CMC2: variants seen among roughly 807,000 people sequenced by gnomAD.
CMC2 encodes COX assembly mitochondrial protein 2 homolog.
Under a neutral mutation model 7.5 loss-of-function variants are expected in CMC2, and 5 were observed. That is an observed-to-expected ratio of 0.66 (90% CI 0.35 to 1.40). The LOEUF is 1.40. CMC2 is among the 40% of genes most tolerant of loss of function. The pLI is 0.04. For synonymous variants in CMC2, 37 were observed against 31.4 expected (o/e 1.18, Z -0.60); for missense variants, 115 against 92.3 (o/e 1.25, Z -1.01).
chr16:80,987,523 T>C (rs1967637503), intron 2 of CMC2, among the ~76,000 whole-genome samples: 1 of 152,212 alleles, frequency 6.6e-6, no homozygotes, highest in South Asian at 2.1e-4. Context: ...CTGTTCTAAA[T>C]TCTGTATTTT....
In CMC2 at chr16:81,003,313, T is replaced by G. The variant is rs144567523; in HGVS notation, c.-36+3421A>C. On this transcript the variant is annotated intron_variant, in intron 1 of 3. Transcript: ENST00000219400. ...CTAAATACGTATTCCATATTCTTATTCTTAAAATTTCTTCAAAGTCATAAG... is the reference window on the plus strand; with the variant it reads ...CTAAATACGTATTCCATATTCTTATGCTTAAAATTTCTTCAAAGTCATAAG... 1.1e-4 allele frequency among the ~76,000 whole-genome samples: 17 copies of G among 152,358 alleles called. 2 individuals carry two copies. The highest frequency in any genetic ancestry group is 3.8e-4 in the African/African-American group (16 of 41,586).
intron 1 of CMC2, among the ~76,000 whole-genome samples, chr16:81,005,721 G>T (rs1321765773): frequency 6.6e-6 from 1 of 152,166 alleles, no homozygotes; most frequent in Non-Finnish European, 1.5e-5. Flanking sequence ...GACTTCCACC[G>T]AAGAGTTTCT....
At chr16:80,986,265 G>A (rs374360363) in intron 2 of CMC2, among the ~76,000 whole-genome samples, 5 of 152,172 alleles carry the variant, frequency 3.3e-5, no homozygotes, top group Non-Finnish European at 7.4e-5. Context: ...CAGGAGAATC[G>A]CTTGAACCGG....
chr16:80,986,371 T>C (rs944854722), intron 2 of CMC2, among the ~76,000 whole-genome samples: 1 of 147,724 alleles, frequency 6.8e-6, no homozygotes, highest in Non-Finnish European at 1.5e-5. Context: ...AATAAATAAA[T>C]AAAATGCAGA....
intron 3 of CMC2, chr16:80,980,745 C>G (rs893020881): frequency 3.0e-6 from 2 of 668,444 alleles, no homozygotes; most frequent in Non-Finnish European, 2.7e-6. Flanking sequence ...TGTGTAAAAC[C>G]TTAACCAGGC....
chr16:80,978,165 T>A (rs1912661595), intron 3 of CMC2: 1 of 548,058 alleles, frequency 1.8e-6, no homozygotes, highest in Non-Finnish European at 2.4e-6. Flanking sequence ...CTCATAAAAT[T>A]GTTGGGGAAA....
chr16:80,977,234 T>C (rs1224976647), intron 3 of CMC2, among the ~76,000 whole-genome samples: 2 of 152,034 alleles, frequency 1.3e-5, no homozygotes, highest in Non-Finnish European at 2.9e-5. Flanking sequence ...CCTCAAGAGG[T>C]TTTCAGCCTA....
chr16:80,999,128 T>A (rs1196428169), intron 1 of CMC2, among the ~76,000 whole-genome samples: 1 of 152,174 alleles, frequency 6.6e-6, no homozygotes, highest in Non-Finnish European at 1.5e-5. Context: ...GGCATCCGAA[T>A]AAGAAAAGAA....
chr16:80,988,940 G>A lies in CMC2; in HGVS notation c.82-7063C>T, dbSNP rs116870981. The stretch of plus-strand genomic sequence containing the variant: ...GTTATTTTGCAAAATGCTCCCCCAC[G>A]TGGGTTTGTCTGGTGTTTCTTCACA... On this transcript the variant is annotated intron_variant, in intron 2 of 3. Transcript: ENST00000219400. 1.6e-4 allele frequency among the ~76,000 whole-genome samples: 25 copies of A among 152,096 alleles called. No individual in the cohort carries two copies. In the East Asian group the frequency reaches 4.2e-3, roughly 26 times the overall value.
Position 80,975,377 on chromosome 16 carries a change from G to GCTT in CMC2, c.*715_*716insAAG, listed in dbSNP as rs1398084879. ...GCTTGTAATCCCAACACTTTGGGAG[G>GCTT]CTGAAGTGGGCGGATCACCTAAGCT... is the stretch of plus-strand genomic sequence containing the variant. On this transcript the variant is annotated 3_prime_UTR_variant, in exon 4 of 4. Coordinates refer to ENST00000219400, the MANE Select transcript of CMC2 (RefSeq NM_020188.5). 8.5e-5 allele frequency: 13 copies of GCTT among 152,440 alleles called. No homozygotes were observed. Among genetic ancestry groups the GCTT allele is most frequent in the African/African-American group, 2.6e-4 (11 of 41,576 alleles). 9.4% of individuals were successfully genotyped at this position (152,440 alleles called of 1,614,324 possible).
In CMC2 at chr16:80,974,991, C is replaced by G. The variant is rs1013004404; in HGVS notation, c.*1102G>C. Reference sequence around the variant, plus strand: ...CTCATGCTGGATATTATACACAGAACTCCACTAGAAGGAGCTCACAGCTGA... The same window carrying G: ...CTCATGCTGGATATTATACACAGAAGTCCACTAGAAGGAGCTCACAGCTGA... On this transcript the variant is annotated 3_prime_UTR_variant, in exon 4 of 4. Coordinates refer to ENST00000219400, the MANE Select transcript of CMC2 (RefSeq NM_020188.5). 2 of 152,248 alleles carry G rather than the reference C, an allele frequency of 1.3e-5. No homozygotes were observed. The highest frequency in any genetic ancestry group is 4.8e-5 in the African/African-American group (2 of 41,468). The allele number at this position is 152,248 out of a possible 1,614,324, so 9.4% of individuals were successfully genotyped here. A position where few individuals can be genotyped will look rare whatever the true frequency, so the allele number is the denominator to read the frequency against.
intron 1 of CMC2, 102 bp downstream of exon 1, chr16:81,006,632 G>A (rs1210360286): frequency 3.4e-6 from 3 of 881,880 alleles, no homozygotes; most frequent in Non-Finnish European, 4.1e-6. Context: ...CCACCTCCTG[G>A]GGCCGACGGG....
chr16:80,989,174 A>G (rs1189161744), intron 2 of CMC2, among the ~76,000 whole-genome samples: 2 of 152,188 alleles, frequency 1.3e-5, no homozygotes, highest in African/African-American at 4.8e-5. Context: ...CCATTTAACT[A>G]TCCAATTATT....
chr16:80,999,761 T>C (rs35595567), intron 1 of CMC2, among the ~76,000 whole-genome samples: 27,251 of 152,066 alleles, frequency 0.18, 2,492 homozygotes, highest in East Asian at 0.25. Flanking sequence ...CCACACACTT[T>C]TGATCTTTGA....
intron 2 of CMC2, among the ~76,000 whole-genome samples, chr16:80,992,243 T>C (rs562580671): frequency 6.6e-6 from 1 of 152,354 alleles, no homozygotes; most frequent in African/African-American, 2.4e-5. Context: ...GGATGCACCA[T>C]AGGTCGTTCA....
Position 80,975,719 on chromosome 16 carries a change from A to G in CMC2, c.*374T>C, listed in dbSNP as rs1912242315. 1 of 159,404 alleles carries G rather than the reference A, an allele frequency of 6.3e-6. No homozygotes were observed. The highest frequency in any genetic ancestry group is 2.4e-5 in the African/African-American group (1 of 41,620). The allele number at this position is 159,404 out of a possible 1,614,324, so 9.9% of individuals were successfully genotyped here. On this transcript the variant is annotated 3_prime_UTR_variant, in exon 4 of 4. Transcript: ENST00000219400. ...TGCTGGGATTTCCCCAGAATTCTTC[A>G]ACATCATGTTGTCAAAAAGAAAAAG...
chr16:80,973,827 A>C lies in CMC2; in HGVS notation c.*2266T>G, dbSNP rs918896358. 2.6e-5 allele frequency: 4 copies of C among 152,264 alleles called. No homozygotes were observed. The highest frequency in any genetic ancestry group is 5.9e-5 in the Non-Finnish European group (4 of 68,056). The allele number at this position is 152,264 out of a possible 1,614,324, so 9.4% of individuals were successfully genotyped here. On this transcript the variant is annotated 3_prime_UTR_variant, in exon 4 of 4. Coordinates refer to ENST00000219400, the MANE Select transcript of CMC2 (RefSeq NM_020188.5). ...CTCTACAGGGATCAGCAACAGCTGCAACACAAGAGAGTAAGACCTAAAAAC... is the reference window on the plus strand; with the variant it reads ...CTCTACAGGGATCAGCAACAGCTGCCACACAAGAGAGTAAGACCTAAAAAC...
intron 3 of CMC2, among the ~76,000 whole-genome samples, chr16:80,981,079 CA>C (rs35505789): frequency 0.15 from 17,506 of 117,792 alleles, 1,283 homozygotes; most frequent in East Asian, 0.29. Flanking sequence ...CAATATGAGG[CA>C]AAAAAAAAAA....
In CMC2 at chr16:80,967,518, T is replaced by C. The variant is rs557719943; in HGVS notation, c.*8575A>G. The C allele has an allele frequency of 6.6e-6, 1 of 152,358 alleles. No individual in the cohort carries two copies. The highest frequency in any genetic ancestry group is 2.4e-5 in the African/African-American group (1 of 41,562). The allele number at this position is 152,358 out of a possible 1,614,324, so 9.4% of individuals were successfully genotyped here. ...CCACGCCCGGATAATTTTTTGTATT[T>C]TTAGTAGAGACGGGGTTTCACCGTG... On this transcript the variant is annotated 3_prime_UTR_variant, in exon 4 of 4. Coordinates refer to ENST00000219400, the MANE Select transcript of CMC2 (RefSeq NM_020188.5).
Sources: allele counts gnomAD v4.1 joint callset (sites outside exome capture counted in the v4.1 genomes callset), GRCh38; gene constraint gnomAD v4.1.1; transcripts MANE v1.5; gene names NCBI Gene and HGNC (gene_info 2026-07-23, HGNC 2026-07-21).